Variants in VPS35L observed in about 807,000 individuals in gnomAD.
VPS35L encodes the protein VPS35 endosomal protein sorting factor like.
VPS35L carries 83 observed loss-of-function variants against 133.0 expected under a neutral mutation model. The ratio of observed to expected loss-of-function variants is 0.62; its 90% CI spans 0.52 to 0.75. The LOEUF is 0.75. Among genes scored for constraint, VPS35L ranks in the 30% least tolerant of loss-of-function variants. The pLI is 0.00. For missense variants in VPS35L, 1,083 were observed against 1,206.8 expected (o/e 0.90, Z 1.52); for synonymous variants, 423 against 449.9 (o/e 0.94, Z 0.76).
At chr16:19,557,050 T>C (rs1469370152) in intron 1 of VPS35L, among the ~76,000 whole-genome samples, 1 of 152,168 alleles carries the variant, frequency 6.6e-6, no homozygotes, top group Admixed American at 6.6e-5. Context: ...GAGAGTCGCT[T>C]GAACCTGGGA....
chr16:19,673,630 T>C (rs1179428246), intron 27 of VPS35L, among the ~76,000 whole-genome samples: 4 of 152,230 alleles, frequency 2.6e-5, no homozygotes, highest in Admixed American at 1.3e-4. Flanking sequence ...TATTTTTCCT[T>C]GTAGCATTGC....
chr16:19,578,743 C>A, intron 5 of VPS35L: 1 of 372,976 alleles, frequency 2.7e-6, no homozygotes. Context: ...TTTTGGCATC[C>A]TTATCTGGAC....
At chr16:19,674,617 C>T (rs771074991) in intron 27 of VPS35L, among the ~76,000 whole-genome samples, 1 of 152,108 alleles carries the variant, frequency 6.6e-6, no homozygotes, top group African/African-American at 2.4e-5. Flanking sequence ...CCGGTTTTTA[C>T]GTGTACAATA....
intron 19 of VPS35L, among the ~76,000 whole-genome samples, chr16:19,635,624 A>C (rs1973600004): frequency 6.6e-6 from 1 of 152,180 alleles, no homozygotes; most frequent in African/African-American, 2.4e-5. Flanking sequence ...TATCAGTGTT[A>C]ACTTTCCCAA....
Position 19,700,594 on chromosome 16 carries a change from G to T in VPS35L, c.*118G>T. ...TCATTTTTCTTTTCTTTTTACATAT[G>T]TACAAATTGTTTTAAGCTTTGGCCT... is the stretch of plus-strand genomic sequence containing the variant. On this transcript the variant is annotated 3_prime_UTR_variant, in exon 31 of 31. Coordinates refer to ENST00000417362, the MANE Select transcript of VPS35L (RefSeq NM_020314.7). 1.2e-6 allele frequency: 1 copy of T among 830,668 alleles called. No individual in the cohort carries two copies. The highest frequency in any genetic ancestry group is 1.9e-6 in the Non-Finnish European group (1 of 520,078). 51.5% of individuals were successfully genotyped at this position (830,668 alleles called of 1,614,324 possible).
chr16:19,656,756 G>A (rs1190191152), intron 26 of VPS35L, among the ~76,000 whole-genome samples: 1 of 151,936 alleles, frequency 6.6e-6, no homozygotes, highest in Non-Finnish European at 1.5e-5. Context: ...GGTTTTAGGA[G>A]CTAACTGTAT....
At position 19,586,273 on chromosome 16, in the gene VPS35L, T is replaced by C. The variant is rs563667245; in HGVS notation, c.639+4620T>C. ...ATAGGATCTCCTACTCTGTGGCTTG[T>C]CTTTTTGTTTTCATAATTGTGTCTT... On this transcript the variant is annotated intron_variant, in intron 7 of 30. Transcript: ENST00000417362. 3.3e-5 allele frequency among the ~76,000 whole-genome samples: 5 copies of C among 152,300 alleles called. No homozygotes were observed. In the South Asian group the frequency reaches 1.0e-3, roughly 32 times the overall value.
chr16:19,683,366 CA>C (rs1567485368), intron 28 of VPS35L, among the ~76,000 whole-genome samples: 1 of 152,188 alleles, frequency 6.6e-6, no homozygotes, highest in African/African-American at 2.4e-5. Context: ...AGGTTTGTGA[CA>C]GGGGTATATT....
Position 19,578,202 on chromosome 16 carries a change from G to A in VPS35L, c.434-850G>A, listed in dbSNP as rs1971593611. On this transcript the variant is annotated intron_variant, in intron 5 of 30. Coordinates refer to ENST00000417362, the MANE Select transcript of VPS35L (RefSeq NM_020314.7). The stretch of plus-strand genomic sequence containing the variant: ...GTTGAGTAGTTGGAGCAGACACTTT[G>A]TGACTCTTAAAACCTAAAACATTTG... 11 of 443,220 alleles carry A rather than the reference G, an allele frequency of 2.5e-5. No individual in the cohort carries two copies. In the Admixed American group the frequency reaches 2.8e-4, roughly 11 times the overall value. The allele number at this position is 443,220 out of a possible 1,614,324, so 27.5% of individuals were successfully genotyped here.
At chr16:19,571,836 C>T (rs1425337181) in intron 3 of VPS35L, among the ~76,000 whole-genome samples, 4 of 150,282 alleles carry the variant, frequency 2.7e-5, no homozygotes, top group Non-Finnish European at 5.9e-5. Context: ...TGAGCCATGC[C>T]GCCCAGCCAA....
chr16:19,613,490 C>T (rs1431806281), intron 12 of VPS35L, among the ~76,000 whole-genome samples: 1 of 152,226 alleles, frequency 6.6e-6, no homozygotes, highest in African/African-American at 2.4e-5. Flanking sequence ...CAGCCTCTCC[C>T]CACATCACTC....
chr16:19,680,448 C>T (rs527809262), intron 27 of VPS35L, among the ~76,000 whole-genome samples: 1 of 152,252 alleles, frequency 6.6e-6, no homozygotes, highest in East Asian at 1.9e-4. Context: ...CAGTGTGCAG[C>T]CAGCAGACCT....
intron 27 of VPS35L, among the ~76,000 whole-genome samples, chr16:19,675,795 C>A (rs957472198): frequency 6.6e-6 from 1 of 151,728 alleles, no homozygotes; most frequent in Non-Finnish European, 1.5e-5. Context: ...GGTGCTCAGC[C>A]CCCCTCCGCC....
intron 27 of VPS35L, among the ~76,000 whole-genome samples, chr16:19,679,475 ATTTATTTATTTAT>A (rs1567481434): frequency 5.4e-5 from 5 of 93,382 alleles, no homozygotes; most frequent in Admixed American, 1.1e-4. Context: ...ACAATTATTT[ATTTATTTATTTAT>A]TTATTTATTT....
rs938526744 is a variant in VPS35L, at chr16:19,569,529, G to A, written c.223G>A (p.Gly75Arg). Residue 75 changes from glycine (G) to arginine (R), a missense_variant, in exon 3 of 31, where the codon GGG becomes AGG. Transcript: ENST00000417362. ...GGACCCGCTGAGCAGCGTCCTCGAT[G>A]GGACTGACCCCCTCTCCATGTTTGC... ...VVDPLSSVLD[G>R]TDPLSMFAAT... 1 of 1,606,120 alleles carries A rather than the reference G, an allele frequency of 6.2e-7. No individual in the cohort carries two copies. The highest frequency in any genetic ancestry group is 8.5e-7 in the Non-Finnish European group (1 of 1,176,268).
rs1567438418 is a variant in VPS35L, at chr16:19,629,804, C to G, written c.1538C>G (p.Thr513Ser). ...TGTGCCGAAGTGTGGGTGGAATACA[C>G]CTGCAAGCATTTCACGGTATGTGTG... ...INCAEVWVEY[T>S]CKHFTKREVN... is the part of the protein sequence containing the mutation. The change falls in exon 18 of 31, where the codon ACC becomes AGC. Residue 513 changes from threonine (T) to serine (S), a missense_variant. Physicochemically the swap from Thr to Ser is moderately conservative, Grantham distance 58. Coordinates refer to ENST00000417362, the MANE Select transcript of VPS35L (RefSeq NM_020314.7). 1 of 1,613,764 alleles carries G rather than the reference C, an allele frequency of 6.2e-7. No homozygotes were observed. Among genetic ancestry groups the G allele is most frequent in the East Asian group, 2.2e-5 (1 of 44,864 alleles).
chr16:19,620,831 A>G (rs1002662558), intron 14 of VPS35L, among the ~76,000 whole-genome samples: 1 of 152,052 alleles, frequency 6.6e-6, no homozygotes, highest in Admixed American at 6.6e-5. Context: ...TGCGCCTGTA[A>G]TCCCAGCTAC....
intron 29 of VPS35L, among the ~76,000 whole-genome samples, chr16:19,692,020 G>T (rs1307344646): frequency 6.6e-6 from 1 of 152,024 alleles, no homozygotes; most frequent in African/African-American, 2.4e-5. Context: ...GATTACAGGT[G>T]CCCGCCACCA....
intron 28 of VPS35L, among the ~76,000 whole-genome samples, chr16:19,690,753 C>T (rs998667561): frequency 6.6e-6 from 1 of 152,080 alleles, no homozygotes; most frequent in Non-Finnish European, 1.5e-5. Context: ...GAGTTCGAGA[C>T]CAGCTTGGCC....
Sources: allele counts gnomAD v4.1 joint callset (sites outside exome capture counted in the v4.1 genomes callset), GRCh38; gene constraint gnomAD v4.1.1; transcripts MANE v1.5; gene names NCBI Gene and HGNC (gene_info 2026-07-23, HGNC 2026-07-21).